NOC3L: variants seen among roughly 807,000 people sequenced by gnomAD.
NOC3L encodes nucleolar complex protein 3 homolog.
NOC3L carries 85 observed loss-of-function variants against 102.5 expected under a neutral mutation model. That is an observed-to-expected ratio of 0.83 (90% CI 0.70 to 0.99). The LOEUF (loss-of-function observed/expected upper bound fraction) is 0.99, where lower values mean the gene tolerates loss of function less well. NOC3L is among the 50% of genes least tolerant of loss of function. The pLI, the probability that NOC3L is intolerant of heterozygous loss-of-function variation, is 0.00. For synonymous variants in NOC3L, 303 were observed against 309.4 expected (o/e 0.98, Z 0.22); for missense variants, 878 against 914.9 (o/e 0.96, Z 0.52).
the NOC3L span, among the ~76,000 whole-genome samples, chr10:94,323,545 TCACCACATAGAC>T: frequency 5.9e-5 from 9 of 152,210 alleles, no homozygotes; most frequent in African/African-American, 1.7e-4. Context: ...ACATGGTAAG[TCACCACATAGAC>T]CACCACATAG....
chr10:94,349,511 G>A, intron 9 of NOC3L, 133 bp from the exon 10 acceptor site: 1 of 639,288 alleles, frequency 1.6e-6, no homozygotes, highest in Non-Finnish European at 2.5e-6. Context: ...TTCTCCACTA[G>A]ATGCCAGTAG....
chr10:94,355,289 G>A (rs1431437234), intron 5 of NOC3L, among the ~76,000 whole-genome samples, 196 bp from the exon 6 acceptor site: 1 of 151,974 alleles, frequency 6.6e-6, no homozygotes, highest in African/African-American at 2.4e-5. Flanking sequence ...AGCAAAGGAA[G>A]AGAAAATAAC....
At chr10:94,330,376 T>C (rs1361897779), downstream of NOC3L, 2 of 152,144 alleles carry the variant, frequency 1.3e-5, no homozygotes, top group South Asian at 2.1e-4. Context: ...AAAGAACACA[T>C]TGTTTCAAAA....
chr10:94,356,592 C>T lies in NOC3L; in HGVS notation c.509-1G>A. 6.5e-7 allele frequency: 1 copy of T among 1,544,022 alleles called. No individual in the cohort carries two copies. The highest frequency in any genetic ancestry group is 8.9e-7 in the Non-Finnish European group (1 of 1,117,992). On this transcript the variant is annotated splice_acceptor_variant, in intron 4 of 20. Coordinates refer to ENST00000371361, the MANE Select transcript of NOC3L (RefSeq NM_022451.11). LOFTEE classifies it high-confidence loss of function. Reference sequence around the variant, plus strand: ...TCTTCATCTTTGTTACTATCAGTAACTATATGGAAAACATATGTATTAAAA... The same window carrying T: ...TCTTCATCTTTGTTACTATCAGTAATTATATGGAAAACATATGTATTAAAA...
chr10:94,355,168 C>A, intron 5 of NOC3L, 75 bp from the exon 6 acceptor site: 1 of 1,291,394 alleles, frequency 7.7e-7, no homozygotes, highest in Non-Finnish European at 1.1e-6. Context: ...AATATTTTTA[C>A]AGTAATAATA....
chr10:94,316,473 A>G, the NOC3L span: 2 of 926,038 alleles, frequency 2.2e-6, no homozygotes, highest in East Asian at 4.8e-5. Context: ...TAGCAAACCT[A>G]TCTGAACACC....
At chr10:94,339,699 T>C in intron 17 of NOC3L, 40 bp downstream of exon 17, 1 of 1,505,486 alleles carries the variant, frequency 6.6e-7, no homozygotes, top group Non-Finnish European at 9.0e-7. Context: ...AATCATTGCA[T>C]TATAAGAACT....
At chr10:94,315,113 A>G in the NOC3L span, 1 of 238,210 alleles carries the variant, frequency 4.2e-6, no homozygotes, top group African/African-American at 2.3e-5. Context: ...GTGGCCCAGA[A>G]GCTTCACATC....
chr10:94,344,771 C>A, intron 12 of NOC3L, 82 bp downstream of exon 12: 1 of 1,192,680 alleles, frequency 8.4e-7, no homozygotes, highest in African/African-American at 1.5e-5. Context: ...CAAAATTACA[C>A]AGCTACAAGC....
chr10:94,357,348 G>A lies in NOC3L; in HGVS notation c.351-17C>T, dbSNP rs778068073. 1.9e-6 allele frequency: 3 copies of A among 1,547,278 alleles called. No individual in the cohort carries two copies. Among genetic ancestry groups the A allele is most frequent in the Admixed American group, 4.1e-5 (2 of 48,692 alleles). Reference sequence around the variant, plus strand: ...ACAGGCTCACTGCAGGGGAAAAAAAGATCAATTTTCAGTCTTAATAGATCT... The same window carrying A: ...ACAGGCTCACTGCAGGGGAAAAAAAAATCAATTTTCAGTCTTAATAGATCT... On this transcript the variant is annotated splice_polypyrimidine_tract_variant and intron_variant, in intron 3 of 20. Coordinates refer to ENST00000371361, the MANE Select transcript of NOC3L (RefSeq NM_022451.11).
chr10:94,349,670 T>C (rs1270255047), intron 9 of NOC3L, among the ~76,000 whole-genome samples: 3 of 152,200 alleles, frequency 2.0e-5, no homozygotes. Flanking sequence ...CAGTGTTTAA[T>C]AAATTGACAT....
At chr10:94,359,554 T>A (rs2054529257) in intron 2 of NOC3L, among the ~76,000 whole-genome samples, 1 of 151,948 alleles carries the variant, frequency 6.6e-6, no homozygotes, top group African/African-American at 2.4e-5. Context: ...CTAAATTTAA[T>A]AATCCCATTA....
At chr10:94,359,462 C>CA (rs555791772) in intron 2 of NOC3L, among the ~76,000 whole-genome samples, 141 of 149,594 alleles carry the variant, frequency 9.4e-4, no homozygotes, top group African/African-American at 3.1e-3. Flanking sequence ...AAAAAAAAAA[C>CA]AAAAAAAGAC....
chr10:94,324,591 C>A, the NOC3L span: 1 of 1,575,744 alleles, frequency 6.3e-7, no homozygotes, highest in Non-Finnish European at 8.7e-7. Flanking sequence ...TTATTTTGCT[C>A]TGTTCTTAAG....
In NOC3L at chr10:94,358,162, T is replaced by A. The variant is rs1256281483; in HGVS notation, c.271A>T (p.Met91Leu). The A allele has an allele frequency of 1.2e-5, 19 of 1,610,902 alleles. No homozygotes were observed. The highest frequency in any genetic ancestry group is 1.6e-5 in the Non-Finnish European group (19 of 1,178,124). ...EEEEEALPLD[M>L]MDEDDLQLMK... ...AACTGTAAGTCATCTTCATCCATCA[T>A]ATCTAAAGGAAGGGCTTCTTCTTCT... Residue 91 changes from methionine (M) to leucine (L), a missense_variant, in exon 3 of 21, where the codon ATG becomes TTG. Coordinates refer to ENST00000371361, the MANE Select transcript of NOC3L (RefSeq NM_022451.11).
the NOC3L span, among the ~76,000 whole-genome samples, chr10:94,317,861 A>G: frequency 6.6e-6 from 1 of 152,338 alleles, no homozygotes; most frequent in East Asian, 1.9e-4. Flanking sequence ...TCTATTCAAC[A>G]ATTTGATTAC....
In NOC3L at chr10:94,345,046, A is replaced by G. The variant is rs1365463523; in HGVS notation, c.1390-113T>C. On this transcript the variant is annotated intron_variant, in intron 11 of 20. Transcript: ENST00000371361. ...CATACAGTAATACCACATGTTGTCTATGAATGCAAATATAAACAAAGTAGA... is the reference window on the plus strand; with the variant it reads ...CATACAGTAATACCACATGTTGTCTGTGAATGCAAATATAAACAAAGTAGA... The G allele has an allele frequency of 9.3e-6, 6 of 643,548 alleles. No homozygotes were observed. The Admixed American group carries it at 2.0e-4, about 21-fold the overall frequency. The allele number at this position is 643,548 out of a possible 1,614,324, so 39.9% of individuals were successfully genotyped here. A position where few individuals can be genotyped will look rare whatever the true frequency, so the allele number is the denominator to read the frequency against.
downstream of NOC3L, chr10:94,329,094 A>G (rs2054127095): frequency 6.6e-6 from 1 of 152,214 alleles, no homozygotes; most frequent in South Asian, 2.1e-4. Flanking sequence ...AAACTTCTAA[A>G]AAGAAAATAT....
At chr10:94,351,678 G>A (rs563144581) in intron 8 of NOC3L, among the ~76,000 whole-genome samples, 1 of 151,538 alleles carries the variant, frequency 6.6e-6, no homozygotes, top group African/African-American at 2.4e-5. Context: ...ATAGGCATGG[G>A]CCATCATGCC....
Sources: allele counts gnomAD v4.1 joint callset (sites outside exome capture counted in the v4.1 genomes callset), GRCh38; gene constraint gnomAD v4.1.1; transcripts MANE v1.5; gene names NCBI Gene and HGNC (gene_info 2026-07-23, HGNC 2026-07-21).